Variants in DCC observed in about 807,000 individuals in gnomAD.
DCC encodes netrin receptor DCC.
In DCC, 58 loss-of-function variants were observed where a neutral mutation model predicts 172.5. The observed-to-expected ratio is 0.34, with a 90% CI of 0.27 to 0.42. DCC has a LOEUF of 0.42. DCC is among the 10% of genes least tolerant of loss of function. The probability of loss-of-function intolerance (pLI) is 1.00; values close to 1 mark genes in which losing one functional copy is unlikely to be tolerated. For missense variants in DCC, 1,740 were observed against 1,791.0 expected, an observed-to-expected ratio of 0.97 and a Z score of 0.51; for synonymous variants, 709 against 644.5, an observed-to-expected ratio of 1.10 and a Z score of -1.52.
intron 7 of DCC, among the ~76,000 whole-genome samples, chr18:53,133,266 G>C (rs555254789): frequency 6.6e-6 from 1 of 152,304 alleles, no homozygotes; most frequent in South Asian, 2.1e-4. Context: ...GAAGCCTAAA[G>C]CTGCTCCAGA....
chr18:52,691,259 G>T (rs2035926093), intron 1 of DCC, among the ~76,000 whole-genome samples: 1 of 152,098 alleles, frequency 6.6e-6, no homozygotes, highest in South Asian at 2.1e-4. Flanking sequence ...CCTGTGTTTA[G>T]AGATCACCCT....
At chr18:52,850,643 G>A (rs751551351) in intron 2 of DCC, among the ~76,000 whole-genome samples, 1 of 151,854 alleles carries the variant, frequency 6.6e-6, no homozygotes, top group Non-Finnish European at 1.5e-5. Flanking sequence ...TATTCCTTGG[G>A]GAACACCTAT....
chr18:52,693,881 T>A (rs2035970177), intron 1 of DCC, among the ~76,000 whole-genome samples: 1 of 152,042 alleles, frequency 6.6e-6, no homozygotes, highest in African/African-American at 2.4e-5. Context: ...TATAAACAAT[T>A]GAATAAATGA....
At chr18:53,510,475 T>A (rs915510662) in intron 27 of DCC, among the ~76,000 whole-genome samples, 1 of 152,200 alleles carries the variant, frequency 6.6e-6, no homozygotes, top group Admixed American at 6.5e-5. Flanking sequence ...TCATAAATCA[T>A]TTATTGGGTA....
intron 26 of DCC, among the ~76,000 whole-genome samples, chr18:53,492,090 G>A (rs980612697): frequency 6.6e-6 from 1 of 152,024 alleles, no homozygotes; most frequent in Admixed American, 6.6e-5. Flanking sequence ...TCATATGTTT[G>A]TTGGCTGCAT....
At chr18:53,530,406 A>G in intron 28 of DCC, 158 bp from the exon 29 acceptor site, 2 of 712,652 alleles carry the variant, frequency 2.8e-6, no homozygotes, top group Non-Finnish European at 5.2e-6. Flanking sequence ...TATTACCAGC[A>G]TCTTCATTCA....
chr18:53,113,209 A>G (rs1223677587), intron 7 of DCC, among the ~76,000 whole-genome samples: 4 of 151,514 alleles, frequency 2.6e-5, no homozygotes, highest in Non-Finnish European at 5.9e-5. Flanking sequence ...TATTGTTTTT[A>G]AAATATTTAT....
chr18:52,935,824 A>G (rs551377431), intron 5 of DCC, among the ~76,000 whole-genome samples: 1 of 152,226 alleles, frequency 6.6e-6, no homozygotes, highest in African/African-American at 2.4e-5. Context: ...TTTTTATTGC[A>G]ATGTGTAATT....
intron 7 of DCC, among the ~76,000 whole-genome samples, chr18:53,138,565 A>G (rs1292855580): frequency 6.6e-6 from 1 of 152,228 alleles, no homozygotes; most frequent in African/African-American, 2.4e-5. Flanking sequence ...TTCTACATTT[A>G]TGCCAGCAAA....
chr18:52,520,332 G>T (rs141090193), intron 1 of DCC, among the ~76,000 whole-genome samples: 1 of 152,238 alleles, frequency 6.6e-6, no homozygotes, highest in East Asian at 1.9e-4. Context: ...TAGCATAAGT[G>T]GTTACTGCTA....
chr18:52,722,502 A>G (rs1192033500), intron 1 of DCC, among the ~76,000 whole-genome samples: 1 of 152,082 alleles, frequency 6.6e-6, no homozygotes, highest in Non-Finnish European at 1.5e-5. Flanking sequence ...ATGTAGTATA[A>G]TTTCCACTCT....
rs2046541611 is a variant in DCC, at chr18:53,533,260, C to A, written c.*2607C>A. ...AGAAGAAACCTGTGAATACTGCAAACTAGCCTCTGACTTCCTCCTACTGAG... is the reference window on the plus strand; with the variant it reads ...AGAAGAAACCTGTGAATACTGCAAAATAGCCTCTGACTTCCTCCTACTGAG... On this transcript the variant is annotated 3_prime_UTR_variant, in exon 29 of 29. Coordinates refer to ENST00000442544, the MANE Select transcript of DCC (RefSeq NM_005215.4). The A allele has an allele frequency of 6.6e-6, 1 of 152,170 alleles. No homozygotes were observed. Among genetic ancestry groups the A allele is most frequent in the South Asian group, 2.1e-4 (1 of 4,828 alleles). The allele number at this position is 152,170 out of a possible 1,614,324, so 9.4% of individuals were successfully genotyped here. A position where few individuals can be genotyped will look rare whatever the true frequency, so the allele number is the denominator to read the frequency against.
chr18:53,256,479 T>C (rs62100780), intron 12 of DCC, among the ~76,000 whole-genome samples: 44,212 of 150,216 alleles, frequency 0.29, 8,441 homozygotes, highest in Non-Finnish European at 0.44. Context: ...AATCCTTTCC[T>C]GATTTCTTGT....
chr18:53,509,474 G>C (rs1255746213), intron 27 of DCC, among the ~76,000 whole-genome samples: 4 of 152,188 alleles, frequency 2.6e-5, no homozygotes, highest in Admixed American at 6.5e-5. Flanking sequence ...ATCTAGAGTA[G>C]AGCCTGAGGT....
intron 5 of DCC, among the ~76,000 whole-genome samples, chr18:53,035,583 T>C (rs749789898): frequency 6.6e-6 from 1 of 152,080 alleles, no homozygotes; most frequent in Admixed American, 6.6e-5. Context: ...AATATTTGTC[T>C]CTCAAATATT....
At chr18:52,873,338 C>T (rs904012842) in intron 2 of DCC, among the ~76,000 whole-genome samples, 2 of 152,180 alleles carry the variant, frequency 1.3e-5, no homozygotes, top group Admixed American at 6.5e-5. Flanking sequence ...GCCATAGGCT[C>T]AGGCATTATC....
intron 5 of DCC, among the ~76,000 whole-genome samples, chr18:53,050,928 C>CA (rs1308930884): frequency 6.6e-6 from 1 of 151,816 alleles, no homozygotes; most frequent in Non-Finnish European, 1.5e-5. Context: ...GGCAGTTTTC[C>CA]AAAAAAACAA....
intron 7 of DCC, among the ~76,000 whole-genome samples, chr18:53,075,817 G>A (rs567937993): frequency 6.6e-6 from 1 of 152,262 alleles, no homozygotes; most frequent in South Asian, 2.1e-4. Context: ...AAAAGAAGAA[G>A]GTTAATGAGA....
At chr18:52,969,297 A>G (rs1258489834) in intron 5 of DCC, among the ~76,000 whole-genome samples, 3 of 151,884 alleles carry the variant, frequency 2.0e-5, no homozygotes, top group Non-Finnish European at 4.4e-5. Flanking sequence ...AGCACCAAAT[A>G]GCTGAAATGA....
Sources: allele counts gnomAD v4.1 joint callset (sites outside exome capture counted in the v4.1 genomes callset), GRCh38; gene constraint gnomAD v4.1.1; transcripts MANE v1.5; gene names NCBI Gene and HGNC (gene_info 2026-07-23, HGNC 2026-07-21).